The following DAB2IP variants were observed in gnomAD, a reference collection of about 807,000 sequenced individuals.
The protein encoded by DAB2IP is disabled homolog 2-interacting protein.
Under a neutral mutation model 107.2 loss-of-function variants are expected in DAB2IP, and 28 were observed. The observed-to-expected ratio is 0.26, with a 90% confidence interval of 0.19 to 0.36. The LOEUF is 0.36. Among genes scored for constraint, DAB2IP ranks in the 10% least tolerant of loss-of-function variants. The pLI, the probability that DAB2IP is intolerant of heterozygous loss-of-function variation, is 1.00. For synonymous variants in DAB2IP, 755 were observed against 706.4 expected, an observed-to-expected ratio of 1.07 and a Z score of -1.09; for missense variants, 1,400 against 1,644.7, an observed-to-expected ratio of 0.85 and a Z score of 2.57.
At position 121,684,460 on chromosome 9, in the gene DAB2IP, A is replaced by G. The variant is rs145246367; in HGVS notation, c.228+5679A>G. Among the ~76,000 whole-genome samples, 331 of 151,988 alleles carry G rather than the reference A, an allele frequency of 2.2e-3. No homozygotes were observed. The highest frequency in any genetic ancestry group is 0.016 in the East Asian group (82 of 5,160). On this transcript the variant is annotated intron_variant, in intron 2 of 15. Transcript: ENST00000408936. This position sits in a 1 kb window ranked among gnomAD's most constrained non-coding sequence, Gnocchi z 4.0. ...CTGAGCCCTTCTCCCAGCCCCCATC[A>G]CATTTCCTGGGAGGAATGGGTGTTC...
chr9:121,699,249 G>A lies in DAB2IP; in HGVS notation c.229-76G>A, dbSNP rs1829618205. The A allele has an allele frequency of 1.4e-5, 17 of 1,172,780 alleles. No homozygotes were observed. The highest frequency in any genetic ancestry group is 1.8e-5 in the Non-Finnish European group (17 of 939,286). 72.6% of individuals were successfully genotyped at this position (1,172,780 alleles called of 1,614,324 possible). A position where few individuals can be genotyped will look rare whatever the true frequency, so the allele number is the denominator to read the frequency against. ...GCGCGGCCGCCCAGCAAGGGTGCGG[G>A]TCCCGCGCGGGTCCCGGCCCGCCGC... On this transcript the variant is annotated intron_variant, in intron 2 of 15. Transcript: ENST00000408936. The surrounding 1 kb of genome is among the most constrained non-coding windows in gnomAD (Gnocchi z 6.2).
chr9:121,757,266 A>AGC, intron 4 of DAB2IP, 100 bp downstream of exon 4: 1 of 1,454,284 alleles, frequency 6.9e-7, no homozygotes, highest in Non-Finnish European at 9.2e-7. Context: ...CTGTGGCCTC[A>AGC]GCAGGGGCCA....
At chr9:121,655,785 A>C (rs1397972328) in intron 1 of DAB2IP, among the ~76,000 whole-genome samples, 1 of 152,154 alleles carries the variant, frequency 6.6e-6, no homozygotes, top group East Asian at 1.9e-4. Context: ...CTAGGGGTCC[A>C]GCCACCTGCC....
At chr9:121,718,055 G>T (rs1034661020) in intron 3 of DAB2IP, among the ~76,000 whole-genome samples, 3 of 152,208 alleles carry the variant, frequency 2.0e-5, no homozygotes, top group Non-Finnish European at 4.4e-5. Flanking sequence ...GAATGGCCAG[G>T]CTCTTGGTGG....
chr9:121,663,083 T>C (rs910249802), intron 1 of DAB2IP, among the ~76,000 whole-genome samples: 4 of 151,962 alleles, frequency 2.6e-5, no homozygotes, highest in African/African-American at 9.7e-5. Context: ...AATCCAGAGA[T>C]TTTTGGAAGG....
At chr9:121,624,641 A>G (rs1432577980) in intron 1 of DAB2IP, among the ~76,000 whole-genome samples, 7 of 152,210 alleles carry the variant, frequency 4.6e-5, no homozygotes, top group African/African-American at 1.7e-4. Context: ...AACATGCTGT[A>G]CAGGCTTGTA....
chr9:121,621,636 CTTTTTTT>C (rs538942620), intron 1 of DAB2IP, among the ~76,000 whole-genome samples: 5 of 134,880 alleles, frequency 3.7e-5, no homozygotes, highest in Admixed American at 7.5e-5. Flanking sequence ...TCTTTTTTTC[CTTTTTTT>C]TTTTTTTTTT....
chr9:121,655,309 A>G (rs1832926795), intron 1 of DAB2IP, among the ~76,000 whole-genome samples: 1 of 152,194 alleles, frequency 6.6e-6, no homozygotes, highest in African/African-American at 2.4e-5. Flanking sequence ...AGTCACACCA[A>G]AATCAAGAAA....
intron 1 of DAB2IP, among the ~76,000 whole-genome samples, chr9:121,613,221 T>C (rs1831155121): frequency 6.6e-6 from 1 of 152,182 alleles, no homozygotes; most frequent in Non-Finnish European, 1.5e-5. Context: ...AGAGCTGGCA[T>C]GAAGTAGTGT....
chr9:121,715,252 C>T (rs1830537028), intron 3 of DAB2IP, among the ~76,000 whole-genome samples: 1 of 152,150 alleles, frequency 6.6e-6, no homozygotes, highest in African/African-American at 2.4e-5. Flanking sequence ...AAGGGGGAAC[C>T]CTCAACAGCC....
chr9:121,734,306 A>G (rs942229658), intron 3 of DAB2IP, among the ~76,000 whole-genome samples: 3 of 141,116 alleles, frequency 2.1e-5, no homozygotes, highest in Non-Finnish European at 1.5e-5. Flanking sequence ...GAACCCAGGA[A>G]GCGGAGCTTG....
intron 1 of DAB2IP, among the ~76,000 whole-genome samples, chr9:121,636,629 G>C (rs754030910): frequency 2.0e-5 from 3 of 152,248 alleles, no homozygotes; most frequent in Non-Finnish European, 4.4e-5. Flanking sequence ...GCTGGTACGA[G>C]AGTGAGGTAA....
At chr9:121,630,980 C>A (rs1011647441) in intron 1 of DAB2IP, among the ~76,000 whole-genome samples, 3 of 152,222 alleles carry the variant, frequency 2.0e-5, no homozygotes, top group Non-Finnish European at 2.9e-5. Flanking sequence ...GGGCCCATGG[C>A]ATCTAAGAAA....
At chr9:121,771,097 A>C (rs566868450) in intron 11 of DAB2IP, among the ~76,000 whole-genome samples, 1 of 152,236 alleles carries the variant, frequency 6.6e-6, no homozygotes, top group South Asian at 2.1e-4. Context: ...TGTTCCTGGT[A>C]TTTCCTGAGC....
chr9:121,651,559 G>C (rs895296776), upstream of DAB2IP: 2 of 730,730 alleles, frequency 2.7e-6, no homozygotes, highest in Non-Finnish European at 3.4e-6. This position sits in a 1 kb window ranked among gnomAD's most constrained non-coding sequence, Gnocchi z 5.1. Context: ...CCCGGCCTCC[G>C]GGTCCCCAGC....
At chr9:121,764,822 C>G (rs1042483426) in intron 8 of DAB2IP, among the ~76,000 whole-genome samples, 1 of 152,202 alleles carries the variant, frequency 6.6e-6, no homozygotes, top group African/African-American at 2.4e-5. Context: ...TGCTCCGAGG[C>G]CACACCTGGT....
chr9:121,603,457 G>C (rs561419963), intron 1 of DAB2IP, among the ~76,000 whole-genome samples: 1 of 152,312 alleles, frequency 6.6e-6, no homozygotes, highest in African/African-American at 2.4e-5. Context: ...GAGGTCACTG[G>C]AGTCCAGGAA....
intron 3 of DAB2IP, among the ~76,000 whole-genome samples, chr9:121,743,432 GT>G (rs374841342): frequency 6.7e-5 from 10 of 148,258 alleles, no homozygotes; most frequent in South Asian, 2.2e-4. Context: ...TTCGTTTTTT[GT>G]TTTTTTTTTC....
Position 121,767,227 on chromosome 9 carries a change from C to T in DAB2IP, c.1697+497C>T, listed in dbSNP as rs75633909. Among the ~76,000 whole-genome samples the T allele has an allele frequency of 5.3e-3, 811 of 152,316 alleles. 8 individuals carry two copies. The highest frequency in any genetic ancestry group is 0.019 in the African/African-American group (773 of 41,566). On this transcript the variant is annotated intron_variant, in intron 9 of 15. Transcript: ENST00000408936. The stretch of plus-strand genomic sequence containing the variant: ...TGGCTGCATCCTTAGAGCAAGTGGG[C>T]AGAAGTAGAAGGGCTGGGTCGTCTC...
Sources: allele counts gnomAD v4.1 joint callset (sites outside exome capture counted in the v4.1 genomes callset), GRCh38; gene constraint gnomAD v4.1.1; non-coding constraint Gnocchi (gnomAD v3.1); transcripts MANE v1.5; gene names NCBI Gene and HGNC (gene_info 2026-07-23, HGNC 2026-07-21).